THADA: variants seen among roughly 807,000 people sequenced by gnomAD.
THADA encodes the protein tRNA (32-2'-O)-methyltransferase regulator THADA.
Under a neutral mutation model 219.8 loss-of-function variants are expected in THADA, and 213 were observed. That is an observed-to-expected ratio of 0.97 (90% CI 0.87 to 1.09). The LOEUF is 1.09. THADA is among the 50% of genes least tolerant of loss of function. THADA has a pLI of 0.00. For missense variants in THADA, 2,956 were observed against 2,311.3 expected (o/e 1.28, Z -5.72); for synonymous variants, 1,018 against 828.9 (o/e 1.23, Z -3.92).
chr2:43,336,428 T>C (rs541285773), intron 30 of THADA, among the ~76,000 whole-genome samples: 7 of 151,968 alleles, frequency 4.6e-5, no homozygotes, highest in African/African-American at 2.4e-5. Flanking sequence ...CATGCCACCA[T>C]GCCTGGCTAA....
At chr2:43,496,431 C>T (rs1688288829) in intron 25 of THADA, among the ~76,000 whole-genome samples, 1 of 152,136 alleles carries the variant, frequency 6.6e-6, no homozygotes, top group Non-Finnish European at 1.5e-5. Context: ...CAGTATTTAA[C>T]CTCTTCCATT....
At chr2:43,309,233 T>C (rs1366211947) in intron 31 of THADA, among the ~76,000 whole-genome samples, 1 of 152,246 alleles carries the variant, frequency 6.6e-6, no homozygotes, top group Non-Finnish European at 1.5e-5. Flanking sequence ...TTATCAGCCA[T>C]GCTTCTCATG....
intron 28 of THADA, 37 bp downstream of exon 28, chr2:43,428,063 C>G: frequency 6.7e-7 from 1 of 1,487,470 alleles, no homozygotes; most frequent in Non-Finnish European, 9.0e-7. Context: ...AAAACTCCCA[C>G]GCCAACCTAG....
chr2:43,464,773 G>A (rs761333878), intron 26 of THADA, among the ~76,000 whole-genome samples: 3 of 151,986 alleles, frequency 2.0e-5, no homozygotes, highest in Non-Finnish European at 2.9e-5. Context: ...CTCAGAACAC[G>A]CCCTGGCCTC....
intron 26 of THADA, among the ~76,000 whole-genome samples, chr2:43,458,627 A>G (rs559644860): frequency 6.6e-6 from 1 of 152,238 alleles, no homozygotes; most frequent in Non-Finnish European, 1.5e-5. Flanking sequence ...CTGATCACCA[A>G]CATTTTCATC....
At chr2:43,334,636 G>T (rs922949382) in intron 30 of THADA, among the ~76,000 whole-genome samples, 1 of 152,018 alleles carries the variant, frequency 6.6e-6, no homozygotes, top group Non-Finnish European at 1.5e-5. Context: ...TTAGCCAGGC[G>T]TGGTGGCGGG....
intron 20 of THADA, among the ~76,000 whole-genome samples, chr2:43,547,485 T>C (rs1418230157): frequency 6.6e-6 from 1 of 152,246 alleles, no homozygotes. Context: ...CCATTCTCCC[T>C]GTCACTTTCA....
At chr2:43,402,507 T>A (rs1227294712) in intron 28 of THADA, among the ~76,000 whole-genome samples, 1 of 152,212 alleles carries the variant, frequency 6.6e-6, no homozygotes, top group Non-Finnish European at 1.5e-5. Context: ...GGGGCTAAGC[T>A]TTTTCTAAGT....
intron 29 of THADA, among the ~76,000 whole-genome samples, chr2:43,366,961 G>C (rs776576150): frequency 2.0e-5 from 3 of 152,042 alleles, no homozygotes; most frequent in Non-Finnish European, 4.4e-5. Context: ...ACTGACAGAA[G>C]AATAAACAAA....
chr2:43,485,349 T>A (rs1278324965), intron 25 of THADA, 24 bp from the exon 26 acceptor site: 1 of 1,543,908 alleles, frequency 6.5e-7, no homozygotes, highest in South Asian at 1.1e-5. Context: ...GAAAACACAA[T>A]AAGGCTTAAA....
rs1558937625 is a variant in THADA, at chr2:43,541,216, C to G, written c.3207G>C (p.Gln1069His). The G allele has an allele frequency of 1.2e-6, 2 of 1,610,896 alleles. No individual in the cohort carries two copies. The highest frequency in any genetic ancestry group is 4.5e-5 in the East Asian group (2 of 44,736). ...EVALLLGMLC[Q>H]LLPMQPVPES... ...CTGGCACAGGCTGCATGGGCAGAAG[C>G]TGGCACAACATGCCTAAAAGTAAAG... Residue 1069 changes from glutamine (Q) to histidine (H), a missense_variant, in exon 21 of 38, where the codon CAG becomes CAC. Coordinates refer to ENST00000405975, the MANE Select transcript of THADA (RefSeq NM_022065.5).
At chr2:43,513,497 G>C (rs975100220) in intron 22 of THADA, among the ~76,000 whole-genome samples, 3 of 152,134 alleles carry the variant, frequency 2.0e-5, no homozygotes, top group African/African-American at 7.2e-5. Flanking sequence ...AGAAGAACCT[G>C]AAAAAGGGCT....
At chr2:43,261,239 T>A (rs1670906712) in intron 36 of THADA, among the ~76,000 whole-genome samples, 1 of 141,018 alleles carries the variant, frequency 7.1e-6, no homozygotes, top group Non-Finnish European at 1.5e-5. Flanking sequence ...TTTTTTTTTT[T>A]TTGAGAAGAG....
intron 29 of THADA, among the ~76,000 whole-genome samples, chr2:43,361,097 G>A (rs146822008): frequency 2.7e-4 from 41 of 152,146 alleles, no homozygotes; most frequent in Middle Eastern, 3.4e-3. Flanking sequence ...GGCCAGGGAC[G>A]CTGCTAAACA....
At chr2:43,328,524 G>A (rs1270511189) in intron 30 of THADA, among the ~76,000 whole-genome samples, 3 of 152,302 alleles carry the variant, frequency 2.0e-5, no homozygotes, top group African/African-American at 7.2e-5. Flanking sequence ...CTGCTCTGGT[G>A]GTGGACCAAC....
chr2:43,423,241 C>T (rs1677953373), intron 28 of THADA, among the ~76,000 whole-genome samples: 2 of 152,100 alleles, frequency 1.3e-5, no homozygotes, highest in African/African-American at 4.8e-5. Flanking sequence ...AGCTTGCCTT[C>T]ATTTTTTTTA....
chr2:43,379,372 G>A (rs1276902724), intron 29 of THADA, among the ~76,000 whole-genome samples: 1 of 152,092 alleles, frequency 6.6e-6, no homozygotes, highest in East Asian at 1.9e-4. Context: ...AGAGAAATGT[G>A]ATAAATAGAA....
chr2:43,442,466 A>G (rs943426221), intron 26 of THADA, among the ~76,000 whole-genome samples: 10 of 152,082 alleles, frequency 6.6e-5, no homozygotes, highest in Non-Finnish European at 1.2e-4. Flanking sequence ...GAAAATGGAA[A>G]CCAAAATGAG....
chr2:43,479,588 A>G (rs1183126883), intron 26 of THADA, among the ~76,000 whole-genome samples: 1 of 151,958 alleles, frequency 6.6e-6, no homozygotes, highest in African/African-American at 2.4e-5. Context: ...ATTATCAAAC[A>G]TAAGAGTTTT....
Sources: gnomAD v4.1 joint callset for allele counts (sites outside exome capture counted in the v4.1 genomes callset) on GRCh38, gnomAD v4.1.1 for gene constraint, MANE v1.5 for transcripts, NCBI Gene and HGNC (gene_info 2026-07-23, HGNC 2026-07-21) for gene names.